SCN10A: variants seen among roughly 807,000 people sequenced by gnomAD.
SCN10A encodes sodium channel protein type 10 subunit alpha.
In SCN10A, 162 loss-of-function variants were observed where a neutral mutation model predicts 170.7. The ratio of observed to expected loss-of-function variants is 0.95; its 90% CI spans 0.84 to 1.08. The LOEUF (loss-of-function observed/expected upper bound fraction) is 1.08. SCN10A is among the 50% of genes least tolerant of loss of function. SCN10A has a pLI of 0.00. For synonymous variants in SCN10A, 985 were observed against 904.6 expected (o/e 1.09, Z -1.59); for missense variants, 2,527 against 2,436.9 (o/e 1.04, Z -0.78).
In SCN10A at chr3:38,698,327, A is replaced by G. The variant is rs139127319; in HGVS notation, c.4893T>C (p.His1631=). The change falls in exon 28 of 28, where the codon CAT becomes CAC. Residue 1631 remains histidine (H), a synonymous_variant. Transcript: ENST00000449082. Reference sequence around the variant, plus strand: ...CGTCGATGCCAGCCTCCCACCTCACATGGGGAAAGCTGGACATACCGAAGA... The same window carrying G: ...CGTCGATGCCAGCCTCCCACCTCACGTGGGGAAAGCTGGACATACCGAAGA... ...YSIFGMSSFP[H]VRWEAGIDDM... 3.1e-6 allele frequency: 5 copies of G among 1,613,888 alleles called. No homozygotes were observed. The highest frequency in any genetic ancestry group is 3.3e-5 in the Admixed American group (2 of 60,012).
chr3:38,718,412 ATCTT>A (rs1466675007), intron 21 of SCN10A, among the ~76,000 whole-genome samples: 1 of 152,220 alleles, frequency 6.6e-6, no homozygotes, highest in Non-Finnish European at 1.5e-5. Context: ...GATTGCAGGG[ATCTT>A]TCTGAATGGA....
In SCN10A at chr3:38,758,832, G is replaced by T. The variant is rs55742609; in HGVS notation, c.951-1673C>A. Among the ~76,000 whole-genome samples, 136 of 152,344 alleles carry T rather than the reference G, an allele frequency of 8.9e-4. 2 individuals are homozygous for T. The highest frequency in any genetic ancestry group is 3.2e-3 in the African/African-American group (132 of 41,582). ...CCTCTCAGGGAGCTGAGCTGTAGAG[G>T]TGTGTAGATGGACCCAACAACTTTA... is the stretch of plus-strand genomic sequence containing the variant. On this transcript the variant is annotated intron_variant, in intron 8 of 27. Coordinates refer to ENST00000449082, the MANE Select transcript of SCN10A (RefSeq NM_006514.4).
chr3:38,783,711 A>G (rs1440934010), intron 4 of SCN10A, among the ~76,000 whole-genome samples: 1 of 152,068 alleles, frequency 6.6e-6, no homozygotes, highest in Non-Finnish European at 1.5e-5. Flanking sequence ...TTTCTGTTAA[A>G]CATAGGTACC....
At chr3:38,764,484 T>C (rs1009511342) in intron 5 of SCN10A, among the ~76,000 whole-genome samples, 15 of 152,272 alleles carry the variant, frequency 9.9e-5, no homozygotes, top group African/African-American at 3.1e-4. Context: ...TTTCTATTCC[T>C]GAGTTACTTC....
At chr3:38,800,899 A>C (rs1404394050) in intron 1 of SCN10A, among the ~76,000 whole-genome samples, 1 of 152,170 alleles carries the variant, frequency 6.6e-6, no homozygotes, top group East Asian at 1.9e-4. Flanking sequence ...CTGATGAGTG[A>C]GCAGTTTCTA....
At position 38,709,473 on chromosome 3, in the gene SCN10A, C is replaced by T. The variant is rs748197749; in HGVS notation, c.4281+5G>A. 5.0e-6 allele frequency: 8 copies of T among 1,606,634 alleles called. No homozygotes were observed. The Admixed American group carries it at 1.4e-4, about 27-fold the overall frequency. ...AGAAACCAGAAACTCCTGAGCACCA[C>T]TTATCTTTTTTTTCTGTTGATTGAA... On this transcript the variant is annotated splice_donor_5th_base_variant and intron_variant, in intron 25 of 27. Coordinates refer to ENST00000449082, the MANE Select transcript of SCN10A (RefSeq NM_006514.4).
At chr3:38,750,444 G>A (rs1297641918) in intron 12 of SCN10A, among the ~76,000 whole-genome samples, 1 of 152,162 alleles carries the variant, frequency 6.6e-6, no homozygotes, top group Non-Finnish European at 1.5e-5. Context: ...CTACAAATCT[G>A]TACAGCATGT....
intron 25 of SCN10A, 150 bp downstream of exon 25, chr3:38,709,328 A>G: frequency 1.6e-6 from 1 of 632,788 alleles, no homozygotes; most frequent in Non-Finnish European, 2.5e-6. Flanking sequence ...TTCCTGCAAC[A>G]GCAATCACAG....
chr3:38,722,681 C>T (rs959590024), intron 19 of SCN10A, among the ~76,000 whole-genome samples: 2 of 152,088 alleles, frequency 1.3e-5, no homozygotes, highest in Non-Finnish European at 1.5e-5. Context: ...GGTCCCTGTC[C>T]TTCTGCCCAC....
At chr3:38,807,917 C>T (rs7629943) in intron 1 of SCN10A, among the ~76,000 whole-genome samples, 4 of 152,168 alleles carry the variant, frequency 2.6e-5, no homozygotes, top group Admixed American at 2.6e-4. Context: ...GAGACTTGCT[C>T]ATTAACTGGT....
intron 4 of SCN10A, among the ~76,000 whole-genome samples, chr3:38,773,610 A>G (rs1419615925): frequency 6.6e-6 from 1 of 152,238 alleles, no homozygotes; most frequent in East Asian, 1.9e-4. Context: ...GAGCAAACAA[A>G]AAAATAAAAT....
chr3:38,745,965 C>T (rs1459015044), intron 13 of SCN10A, among the ~76,000 whole-genome samples: 2 of 150,322 alleles, frequency 1.3e-5, no homozygotes, highest in African/African-American at 4.9e-5. Context: ...TTCAACCCTT[C>T]TGTGTTAACT....
intron 1 of SCN10A, among the ~76,000 whole-genome samples, chr3:38,806,564 T>A (rs74553554): frequency 0.12 from 17,690 of 152,160 alleles, 1,188 homozygotes; most frequent in Middle Eastern, 0.2. Flanking sequence ...TCTTTTGAAT[T>A]CTTTGACCCT....
rs139436496 is a variant in SCN10A at position 38,710,895 on chromosome 3, T to G, written c.4092A>C (p.Ala1364=). ...TAATGTCCATCCAGCCTTTAAAGGT[T>G]GCCTGGAGACAAGGAGCAGAGGCCA... The part of the protein sequence containing the change: ...AMGYLALLQV[A]TFKGWMDIMY... The change falls in exon 24 of 28, where the codon GCA becomes GCC. Residue 1364 remains alanine, a splice_region_variant and synonymous_variant. Transcript: ENST00000449082. 6.8e-6 allele frequency: 11 copies of G among 1,613,634 alleles called. No homozygotes were observed. The highest frequency in any genetic ancestry group is 1.7e-5 in the Admixed American group (1 of 59,964).
chr3:38,808,241 A>G (rs2064417801), intron 1 of SCN10A, among the ~76,000 whole-genome samples: 1 of 61,024 alleles, frequency 1.6e-5, no homozygotes, highest in Non-Finnish European at 3.0e-5. Context: ...CTTTTCACAC[A>G]TGCTTTTTTC....
At chr3:38,788,120 G>A (rs1274837997) in intron 4 of SCN10A, among the ~76,000 whole-genome samples, 2 of 147,380 alleles carry the variant, frequency 1.4e-5, no homozygotes, top group Admixed American at 7.0e-5. Flanking sequence ...AATGATTTTA[G>A]CATCAATTAA....
In SCN10A at chr3:38,752,285, C is replaced by T. The variant is rs141723935; in HGVS notation, c.1689G>A (p.Arg563=). The change falls in exon 12 of 28, where the codon AGG becomes AGA. Residue 563 remains arginine, a synonymous_variant. Transcript: ENST00000449082. Reference sequence around the variant, plus strand: ...GCGGTTGGTGTTCATCTTCTCCATGCCTGGAGTCAGGGTTGCTGGGTTGAG... The same window carrying T: ...GCGGTTGGTGTTCATCTTCTCCATGTCTGGAGTCAGGGTTGCTGGGTTGAG... The part of the protein sequence containing the change: ...PLPQPSNPDS[R]HGEDEHQPPP... 8.7e-6 allele frequency: 14 copies of T among 1,601,746 alleles called. No individual in the cohort carries two copies. In the African/African-American group the frequency reaches 1.9e-4, roughly 22 times the overall value.
chr3:38,774,310 A>G (rs2064045256), intron 4 of SCN10A, among the ~76,000 whole-genome samples: 1 of 152,212 alleles, frequency 6.6e-6, no homozygotes, highest in African/African-American at 2.4e-5. Flanking sequence ...TGTCAAATCA[A>G]ACACAGACCC....
chr3:38,741,839 TGACAACATTGAAAATCGTG>T (rs2063635955), intron 14 of SCN10A, among the ~76,000 whole-genome samples: 1 of 152,182 alleles, frequency 6.6e-6, no homozygotes, highest in African/African-American at 2.4e-5. Flanking sequence ...TCTCCTTAAG[TGACAACATTGAAAATCGTG>T]GCTACTGTTA....
Sources: gnomAD v4.1 joint callset for allele counts (sites outside exome capture counted in the v4.1 genomes callset) on GRCh38, gnomAD v4.1.1 for gene constraint, MANE v1.5 for transcripts, NCBI Gene and HGNC (gene_info 2026-07-23, HGNC 2026-07-21) for gene names.